LSM4: variants seen among roughly 807,000 people sequenced by gnomAD.
LSM4 encodes the protein LSM4 homolog, U6 small nuclear RNA and mRNA degradation associated, also known as U6 snRNA-associated Sm-like protein LSm4.
A neutral mutation model predicts 22.3 loss-of-function variants in LSM4; 15 were observed. The observed-to-expected ratio is 0.67, with a 90% CI of 0.45 to 1.03. LSM4 has a LOEUF of 1.03. Among genes scored for constraint, LSM4 ranks in the 50% least tolerant of loss-of-function variants. LSM4 has a pLI of 0.00. For missense variants in LSM4, 127 were observed against 198.0 expected (o/e 0.64, Z 2.15); for synonymous variants, 90 against 79.8 (o/e 1.13, Z -0.68).
rs958461926 is a variant in LSM4 at position 18,323,038 on chromosome 19, G to T, written c.-18C>A. On this transcript the variant is annotated 5_prime_UTR_variant, in exon 1 of 5. Transcript: ENST00000593829. ...CTCACCATGGTGCCGGCGGGGACCGGGCTCGCCGGCCACTTCCGCCGCCGC... is the reference window on the plus strand; with the variant it reads ...CTCACCATGGTGCCGGCGGGGACCGTGCTCGCCGGCCACTTCCGCCGCCGC... The T allele has an allele frequency of 1.3e-6, 2 of 1,544,166 alleles. No individual in the cohort carries two copies. The highest frequency in any genetic ancestry group is 1.4e-5 in the African/African-American group (1 of 69,812).
intron 1 of LSM4, among the ~76,000 whole-genome samples, chr19:18,317,872 G>A (rs1167628558): frequency 6.6e-6 from 1 of 152,044 alleles, no homozygotes; most frequent in Non-Finnish European, 1.5e-5. Context: ...TCTTTATTAT[G>A]TCAAATATGT....
At chr19:18,311,078 C>T (rs1404185019) in intron 3 of LSM4, among the ~76,000 whole-genome samples, 2 of 152,160 alleles carry the variant, frequency 1.3e-5, no homozygotes, top group Middle Eastern at 3.2e-3. Flanking sequence ...GCTCACTCTC[C>T]CAGGAACCCC....
At chr19:18,318,840 A>G (rs545867957) in intron 1 of LSM4, among the ~76,000 whole-genome samples, 1 of 152,388 alleles carries the variant, frequency 6.6e-6, no homozygotes, top group East Asian at 1.9e-4. Flanking sequence ...CTCTTGGGCC[A>G]CCACCTGGTC....
At chr19:18,315,401 T>G (rs1471682250) in intron 2 of LSM4, among the ~76,000 whole-genome samples, 1 of 152,180 alleles carries the variant, frequency 6.6e-6, no homozygotes, top group African/African-American at 2.4e-5. Flanking sequence ...TCCTCTAGCC[T>G]CAGCCTCCCA....
chr19:18,309,091 C>T (rs995233143), intron 4 of LSM4, among the ~76,000 whole-genome samples: 1 of 152,062 alleles, frequency 6.6e-6, no homozygotes, highest in South Asian at 2.1e-4. Context: ...CTCCTGACCA[C>T]CTCGTGAGCC....
intron 3 of LSM4, among the ~76,000 whole-genome samples, chr19:18,311,509 G>C (rs1174624423): frequency 1.3e-5 from 2 of 152,192 alleles, no homozygotes; most frequent in Non-Finnish European, 1.5e-5. Context: ...TCATGTCTAG[G>C]ACCTGGAGGT....
intron 3 of LSM4, among the ~76,000 whole-genome samples, chr19:18,310,941 G>A (rs1443767472): frequency 2.0e-5 from 3 of 152,182 alleles, no homozygotes; most frequent in Non-Finnish European, 4.4e-5. Context: ...TTCTCATCTG[G>A]CTAACTTTGA....
At chr19:18,319,566 A>C (rs1970401476) in intron 1 of LSM4, among the ~76,000 whole-genome samples, 1 of 146,570 alleles carries the variant, frequency 6.8e-6, no homozygotes, top group Non-Finnish European at 1.5e-5. Flanking sequence ...TCTCAAAAAC[A>C]ACAACAACAA....
At chr19:18,317,533 G>C (rs1270189440) in intron 1 of LSM4, among the ~76,000 whole-genome samples, 1 of 151,748 alleles carries the variant, frequency 6.6e-6, no homozygotes, top group East Asian at 1.9e-4. Context: ...ATTTTTAGTA[G>C]AGACAGGGTT....
intron 1 of LSM4, among the ~76,000 whole-genome samples, chr19:18,317,454 T>G (rs185192321): frequency 3.6e-4 from 55 of 151,726 alleles, no homozygotes; most frequent in African/African-American, 1.1e-3. Flanking sequence ...TGCCTCAGCC[T>G]CCCGAGTAGC....
At chr19:18,322,073 A>C (rs1017053749) in intron 1 of LSM4, among the ~76,000 whole-genome samples, 2 of 152,326 alleles carry the variant, frequency 1.3e-5, no homozygotes, top group Middle Eastern at 3.4e-3. Context: ...GAAGACAGGC[A>C]AGGTGAACCC....
intron 1 of LSM4, among the ~76,000 whole-genome samples, chr19:18,319,711 T>C (rs992340919): frequency 4.6e-5 from 7 of 152,220 alleles, no homozygotes; most frequent in Non-Finnish European, 1.0e-4. Context: ...TTGCTTCTGC[T>C]ATTGCCTCTG....
chr19:18,312,551 G>C, intron 3 of LSM4, 53 bp downstream of exon 3: 1 of 1,463,768 alleles, frequency 6.8e-7, no homozygotes, highest in Admixed American at 1.7e-5. Context: ...GGAGGGAGGA[G>C]GCTGAGTGTG....
intron 2 of LSM4, among the ~76,000 whole-genome samples, chr19:18,314,663 G>A (rs953004035): frequency 1.3e-5 from 2 of 152,104 alleles, no homozygotes; most frequent in Admixed American, 6.6e-5. Context: ...CATGGTCTCC[G>A]TTCGCATGCA....
intron 1 of LSM4, among the ~76,000 whole-genome samples, chr19:18,319,786 AC>A (rs1433815193): frequency 6.6e-6 from 1 of 151,918 alleles, no homozygotes; most frequent in Non-Finnish European, 1.5e-5. Context: ...TTTAATGGCC[AC>A]CCTCTGCCTC....
intron 2 of LSM4, among the ~76,000 whole-genome samples, chr19:18,314,528 A>AT (rs1970332984): frequency 6.6e-6 from 1 of 151,570 alleles, no homozygotes; most frequent in Admixed American, 6.6e-5. Context: ...AAAAAAAAAA[A>AT]GTGGTAAGTA....
chr19:18,309,944 T>G, intron 3 of LSM4, 83 bp from the exon 4 acceptor site: 1 of 1,352,522 alleles, frequency 7.4e-7, no homozygotes, highest in Non-Finnish European at 1.0e-6. Flanking sequence ...CTGCAGATCC[T>G]GCCCAGCCTG....
chr19:18,310,280 A>C (rs548110785), intron 3 of LSM4: 4 of 200,566 alleles, frequency 2.0e-5, no homozygotes, highest in Non-Finnish European at 4.0e-5. Context: ...AAGCCCAGCT[A>C]CTCCTCCTCC....
chr19:18,321,195 C>T (rs1163679719), intron 1 of LSM4, among the ~76,000 whole-genome samples: 2 of 152,246 alleles, frequency 1.3e-5, no homozygotes, highest in Admixed American at 6.5e-5. Context: ...TTTGCCCACG[C>T]ACCGTTCTAC....
Sources: gnomAD v4.1 joint callset for allele counts (sites outside exome capture counted in the v4.1 genomes callset) on GRCh38, gnomAD v4.1.1 for gene constraint, MANE v1.5 for transcripts, NCBI Gene and HGNC (gene_info 2026-07-23, HGNC 2026-07-21) for gene names.